Variants in GRIK2 observed in about 807,000 individuals in gnomAD.
GRIK2 encodes glutamate receptor ionotropic, kainate 2.
In GRIK2, 32 loss-of-function variants were observed where a neutral mutation model predicts 100.3. The ratio of observed to expected loss-of-function variants is 0.32; its 90% CI spans 0.24 to 0.43. GRIK2 has a LOEUF of 0.43. Ranked by LOEUF, GRIK2 falls within the 20% of genes least tolerant of loss-of-function variation. The pLI, the probability that GRIK2 is intolerant of heterozygous loss-of-function variation, is 1.00. For synonymous variants in GRIK2, 417 were observed against 389.4 expected (o/e 1.07, Z -0.83); for missense variants, 843 against 1,114.9 (o/e 0.76, Z 3.47).
intron 14 of GRIK2, among the ~76,000 whole-genome samples, chr6:102,009,387 T>C (rs937248958): frequency 6.6e-6 from 1 of 152,142 alleles, no homozygotes; most frequent in Admixed American, 6.5e-5. Context: ...CCTGAAACTA[T>C]AGCTCTTTAA....
chr6:101,672,908 A>G (rs1385664917), intron 4 of GRIK2, among the ~76,000 whole-genome samples: 1 of 152,134 alleles, frequency 6.6e-6, no homozygotes, highest in African/African-American at 2.4e-5. Flanking sequence ...TTTTAATGGT[A>G]GAGTTATATT....
At chr6:101,421,258 G>A (rs1315811523) in intron 2 of GRIK2, among the ~76,000 whole-genome samples, 1 of 152,214 alleles carries the variant, frequency 6.6e-6, no homozygotes, top group Non-Finnish European at 1.5e-5. Context: ...CAAGGTCTCA[G>A]GAAAGGCTTT....
At chr6:101,616,141 C>T (rs984238680) in intron 2 of GRIK2, among the ~76,000 whole-genome samples, 2 of 151,688 alleles carry the variant, frequency 1.3e-5, no homozygotes. Flanking sequence ...GCTTTCTCTT[C>T]CTATTGGTTC....
intron 15 of GRIK2, among the ~76,000 whole-genome samples, chr6:102,037,791 C>T (rs556238694): frequency 6.6e-6 from 1 of 151,352 alleles, no homozygotes; most frequent in Non-Finnish European, 1.5e-5. Flanking sequence ...TGGCATTCTG[C>T]ATAGTTAGGT....
intron 7 of GRIK2, among the ~76,000 whole-genome samples, chr6:101,773,535 A>G (rs1736746181): frequency 6.6e-6 from 1 of 151,854 alleles, no homozygotes; most frequent in Non-Finnish European, 1.5e-5. Context: ...TCTTCAAGTT[A>G]AGGATCTGAG....
chr6:101,581,074 TA>T (rs1187824320), intron 2 of GRIK2, among the ~76,000 whole-genome samples: 1 of 151,886 alleles, frequency 6.6e-6, no homozygotes, highest in Admixed American at 6.6e-5. Flanking sequence ...TTTCAGTCAC[TA>T]CTGTATCTCT....
At chr6:101,973,536 G>T (rs1793187191) in intron 14 of GRIK2, among the ~76,000 whole-genome samples, 2 of 151,730 alleles carry the variant, frequency 1.3e-5, no homozygotes, top group African/African-American at 4.8e-5. Context: ...CTTTTCCTCA[G>T]AAATTTAGAA....
intron 4 of GRIK2, among the ~76,000 whole-genome samples, chr6:101,636,153 G>A (rs1219757083): frequency 6.6e-6 from 1 of 152,112 alleles, no homozygotes; most frequent in Non-Finnish European, 1.5e-5. Flanking sequence ...TATAAACTAT[G>A]GAATGCTATG....
intron 7 of GRIK2, among the ~76,000 whole-genome samples, chr6:101,794,947 CT>C (rs1172971668): frequency 4.6e-5 from 7 of 151,052 alleles, no homozygotes. Context: ...CTGACTGCAA[CT>C]TCTGCCTCCC....
rs145437116 is a variant in GRIK2 at position 101,640,789 on chromosome 6, A to G, written c.541+14152A>G. Among the ~76,000 whole-genome samples, 941 of 152,186 alleles carry G rather than the reference A, an allele frequency of 6.2e-3. 6 individuals carry two copies. The highest frequency in any genetic ancestry group is 0.024 in the Middle Eastern group (7 of 294). On this transcript the variant is annotated intron_variant, in intron 4 of 16. Coordinates refer to ENST00000369134, the MANE Select transcript of GRIK2 (RefSeq NM_021956.5). The stretch of plus-strand genomic sequence containing the variant: ...TGGGTAATCGTGATGCCATTAGTTT[A>G]GTAACTCCACTTGAGAATCACTGAT...
intron 2 of GRIK2, among the ~76,000 whole-genome samples, chr6:101,548,164 GTTGT>G (rs1402764089): frequency 2.0e-5 from 3 of 152,074 alleles, no homozygotes; most frequent in Non-Finnish European, 4.4e-5. Context: ...TTTTGATGGG[GTTGT>G]TTGTTTTTTT....
At chr6:101,471,822 A>C (rs1171548711) in intron 2 of GRIK2, among the ~76,000 whole-genome samples, 1 of 151,970 alleles carries the variant, frequency 6.6e-6, no homozygotes, top group African/African-American at 2.4e-5. Context: ...ATTTGAGAGA[A>C]ATCTTCCCCT....
At chr6:101,601,026 A>G (rs529017004) in intron 2 of GRIK2, among the ~76,000 whole-genome samples, 1 of 151,770 alleles carries the variant, frequency 6.6e-6, no homozygotes, top group Admixed American at 6.6e-5. Flanking sequence ...GAATGGTTCA[A>G]ACTTTTGCCC....
chr6:101,874,812 C>T (rs1025130393), intron 11 of GRIK2, among the ~76,000 whole-genome samples: 19 of 152,010 alleles, frequency 1.2e-4, no homozygotes, highest in African/African-American at 1.9e-4. Context: ...AGGTCCTTCA[C>T]GTTCCTTGTA....
At chr6:101,531,026 C>T (rs2128284690) in intron 2 of GRIK2, among the ~76,000 whole-genome samples, 1 of 152,042 alleles carries the variant, frequency 6.6e-6, no homozygotes, top group Non-Finnish European at 1.5e-5. Flanking sequence ...CATTTTTATT[C>T]CTCTTATTTC....
At chr6:101,584,782 G>A (rs1778272049) in intron 2 of GRIK2, among the ~76,000 whole-genome samples, 1 of 151,938 alleles carries the variant, frequency 6.6e-6, no homozygotes. Context: ...AGTGCAATGA[G>A]GCATTCGCAA....
intron 2 of GRIK2, among the ~76,000 whole-genome samples, chr6:101,524,727 T>G (rs1292526448): frequency 6.6e-6 from 1 of 151,860 alleles, no homozygotes; most frequent in Non-Finnish European, 1.5e-5. Context: ...CGTTTTTTTT[T>G]TTTTTTTCTT....
intron 2 of GRIK2, among the ~76,000 whole-genome samples, chr6:101,605,525 T>TA (rs1246137701): frequency 2.6e-5 from 4 of 152,072 alleles, no homozygotes; most frequent in South Asian, 2.1e-4. Context: ...GTATTTAAAA[T>TA]AAAAAAAGCT....
At chr6:101,928,244 A>C (rs1790040309) in intron 13 of GRIK2, 171 bp from the exon 14 acceptor site, 1 of 598,386 alleles carries the variant, frequency 1.7e-6, no homozygotes, top group Non-Finnish European at 3.0e-6. Flanking sequence ...CTATTTTCTG[A>C]AAATAGCCTC....
Sources: gnomAD v4.1 joint callset for allele counts (sites outside exome capture counted in the v4.1 genomes callset) on GRCh38, gnomAD v4.1.1 for gene constraint, MANE v1.5 for transcripts, NCBI Gene and HGNC (gene_info 2026-07-23, HGNC 2026-07-21) for gene names.